Variants in THSD7A observed in about 807,000 individuals in gnomAD.
THSD7A encodes thrombospondin type-1 domain-containing protein 7A.
In THSD7A, 96 loss-of-function variants were observed where a neutral mutation model predicts 231.3. The observed-to-expected ratio is 0.41, with a 90% confidence interval of 0.35 to 0.49. THSD7A has a LOEUF of 0.49. THSD7A is among the 20% of genes least tolerant of loss of function. The probability of loss-of-function intolerance (pLI) is 0.05; values close to 1 mark genes in which losing one functional copy is unlikely to be tolerated. For synonymous variants in THSD7A, 940 were observed against 743.3 expected (o/e 1.26, Z -4.30); for missense variants, 2,290 against 2,070.2 (o/e 1.11, Z -2.06).
chr7:11,608,116 C>G (rs1000123213), intron 2 of THSD7A, among the ~76,000 whole-genome samples: 8 of 152,118 alleles, frequency 5.3e-5, no homozygotes, highest in African/African-American at 1.7e-4. Context: ...GGACACAAAC[C>G]CAAGCCCACC....
intron 1 of THSD7A, among the ~76,000 whole-genome samples, chr7:11,680,591 T>G (rs1461233328): frequency 6.6e-6 from 1 of 152,078 alleles, no homozygotes; most frequent in East Asian, 1.9e-4. Flanking sequence ...CCAACAAACA[T>G]ATGACAACAA....
In THSD7A at chr7:11,376,550, T is replaced by C; in HGVS notation, c.4889+20A>G. ...TACGATTAAGTATCTCTTTGGATTTTTAATTATTTAAACACTCACCAAGCT... is the reference window on the plus strand; with the variant it reads ...TACGATTAAGTATCTCTTTGGATTTCTAATTATTTAAACACTCACCAAGCT... On this transcript the variant is annotated intron_variant, in intron 27 of 27. Coordinates refer to ENST00000423059, the MANE Select transcript of THSD7A (RefSeq NM_015204.3). 1 of 1,540,036 alleles carries C rather than the reference T, an allele frequency of 6.5e-7. No individual in the cohort carries two copies. Among genetic ancestry groups the C allele is most frequent in the Non-Finnish European group, 8.8e-7 (1 of 1,135,924 alleles).
intron 9 of THSD7A, among the ~76,000 whole-genome samples, chr7:11,464,211 T>C (rs39187): frequency 0.65 from 99,222 of 151,920 alleles, 34,301 homozygotes; most frequent in African/African-American, 0.88. Flanking sequence ...TTGTTTAACA[T>C]TGGGGGAAGC....
intron 1 of THSD7A, among the ~76,000 whole-genome samples, chr7:11,764,462 T>G (rs531441370): frequency 3.0e-4 from 45 of 151,204 alleles, no homozygotes; most frequent in South Asian, 6.3e-4. Context: ...GCGCCTGTTG[T>G]CCCAGCTACT....
intron 1 of THSD7A, among the ~76,000 whole-genome samples, chr7:11,688,585 T>C (rs1438513245): frequency 6.6e-6 from 1 of 151,768 alleles, no homozygotes; most frequent in Admixed American, 6.6e-5. Context: ...GAGATTTAAA[T>C]AGAGACTGAA....
In THSD7A at chr7:11,634,484, C is replaced by T. The variant is rs1411994223; in HGVS notation, c.1022+1646G>A. ...GATGTCAGCCAAGTAACTAATATAA[C>T]TGTAATATACTTCAGGAAAAGAGAT... On this transcript the variant is annotated intron_variant, in intron 2 of 27. Transcript: ENST00000423059. The surrounding 1 kb of genome is among the most constrained non-coding windows in gnomAD (Gnocchi z 4.1). Among the ~76,000 whole-genome samples, 2 of 152,034 alleles carry T rather than the reference C, an allele frequency of 1.3e-5. No homozygotes were observed. Among genetic ancestry groups the T allele is most frequent in the African/African-American group, 2.4e-5 (1 of 41,384 alleles).
intron 13 of THSD7A, among the ~76,000 whole-genome samples, chr7:11,437,529 A>G (rs1784672033): frequency 6.6e-6 from 1 of 152,100 alleles, no homozygotes; most frequent in African/African-American, 2.4e-5. Flanking sequence ...GTTGTGAATG[A>G]TAACTGCAAA....
chr7:11,575,936 G>A (rs1159502877), intron 4 of THSD7A, among the ~76,000 whole-genome samples: 1 of 152,114 alleles, frequency 6.6e-6, no homozygotes, highest in African/African-American at 2.4e-5. Context: ...AAGGCCCACT[G>A]GTGAATTTTC....
intron 4 of THSD7A, among the ~76,000 whole-genome samples, chr7:11,588,495 T>C (rs76268151): frequency 0.028 from 4,257 of 152,310 alleles, 175 homozygotes; most frequent in African/African-American, 0.096. Flanking sequence ...TCCATATCTA[T>C]TGACCTTTGC....
Position 11,755,693 on chromosome 7 carries a change from G to A in THSD7A, c.190+76064C>T, listed in dbSNP as rs899145346. Among the ~76,000 whole-genome samples the A allele has an allele frequency of 4.5e-4, 68 of 152,108 alleles. 1 individual carries two copies. The highest frequency in any genetic ancestry group is 1.6e-4 in the Non-Finnish European group (11 of 68,006). On this transcript the variant is annotated intron_variant, in intron 1 of 27. Coordinates refer to ENST00000423059, the MANE Select transcript of THSD7A (RefSeq NM_015204.3). ...TTGAGCAGAAAGTCTTGGCTCTAGT[G>A]TTCCTGCTGTGCACAGTCACTGGCT...
At chr7:11,402,068 C>G in intron 22 of THSD7A, 100 bp from the exon 23 acceptor site, 1 of 902,940 alleles carries the variant, frequency 1.1e-6, no homozygotes, top group Non-Finnish European at 1.7e-6. Context: ...TTTCTGGTAT[C>G]CCAGGCACAC....
At chr7:11,445,170 T>C (rs1338966707) in intron 13 of THSD7A, among the ~76,000 whole-genome samples, 2 of 152,032 alleles carry the variant, frequency 1.3e-5, no homozygotes, top group African/African-American at 4.8e-5. Flanking sequence ...ATCATGCTTC[T>C]AGCAATTTAA....
rs191283974 is a variant in THSD7A at position 11,783,221 on chromosome 7, C to G, written c.190+48536G>C. Among the ~76,000 whole-genome samples the G allele has an allele frequency of 5.1e-4, 78 of 152,228 alleles. 1 individual carries two copies. The highest frequency in any genetic ancestry group is 9.4e-4 in the Non-Finnish European group (64 of 67,970). On this transcript the variant is annotated intron_variant, in intron 1 of 27. Transcript: ENST00000423059. ...ACAAGTGGAAAATGCATTTAATACA[C>G]CTGACCTGCCAAAAATCATAGCGTA...
At chr7:11,428,858 G>A (rs968532440) in intron 14 of THSD7A, 89 bp downstream of exon 14, 7 of 1,431,774 alleles carry the variant, frequency 4.9e-6, no homozygotes, top group Non-Finnish European at 6.6e-6. Flanking sequence ...TTATTCAATA[G>A]CTATTATTTC....
chr7:11,565,485 C>T (rs933842577), intron 4 of THSD7A, among the ~76,000 whole-genome samples: 4 of 152,122 alleles, frequency 2.6e-5, no homozygotes, highest in Non-Finnish European at 4.4e-5. Context: ...CACAAGGTTA[C>T]CTGTTAGGAG....
At chr7:11,725,493 C>T (rs565573665) in intron 1 of THSD7A, among the ~76,000 whole-genome samples, 10 of 151,966 alleles carry the variant, frequency 6.6e-5, no homozygotes, top group South Asian at 4.2e-4. Context: ...TGCTTTCTCA[C>T]GCTATAAAGT....
At chr7:11,391,809 C>T (rs775349159) in intron 23 of THSD7A, among the ~76,000 whole-genome samples, 3 of 152,106 alleles carry the variant, frequency 2.0e-5, no homozygotes, top group Non-Finnish European at 4.4e-5. Context: ...GGCTGGAGTA[C>T]ACCGTTCACA....
intron 13 of THSD7A, among the ~76,000 whole-genome samples, chr7:11,441,162 C>T (rs1784792095): frequency 6.6e-6 from 1 of 151,986 alleles, no homozygotes; most frequent in African/African-American, 2.4e-5. Context: ...ACTTAGGATA[C>T]ATCAGTGAAT....
intron 1 of THSD7A, among the ~76,000 whole-genome samples, chr7:11,680,623 G>A (rs893413678): frequency 1.3e-5 from 2 of 152,166 alleles, no homozygotes; most frequent in Non-Finnish European, 2.9e-5. Flanking sequence ...CTGGTCATTA[G>A]AGAAATGCAA....
Sources: allele counts gnomAD v4.1 joint callset (sites outside exome capture counted in the v4.1 genomes callset), GRCh38; gene constraint gnomAD v4.1.1; non-coding constraint Gnocchi (gnomAD v3.1); transcripts MANE v1.5; gene names NCBI Gene and HGNC (gene_info 2026-07-23, HGNC 2026-07-21).